FHOD3: variants seen among roughly 807,000 people sequenced by gnomAD.
FHOD3 encodes the protein formin homology 2 domain containing 3, also known as FH1/FH2 domain-containing protein 3.
In FHOD3, 90 loss-of-function variants were observed where a neutral mutation model predicts 173.0. That is an observed-to-expected ratio of 0.52 (90% CI 0.44 to 0.62). The LOEUF (loss-of-function observed/expected upper bound fraction) is 0.62. Ranked by LOEUF, FHOD3 falls within the 20% of genes least tolerant of loss-of-function variation. FHOD3 has a pLI of 0.00. For synonymous variants in FHOD3, 828 were observed against 823.0 expected (o/e 1.01, Z -0.10); for missense variants, 1,945 against 2,034.7 (o/e 0.96, Z 0.85).
At chr18:36,330,221 C>T (rs185843941) in intron 1 of FHOD3, among the ~76,000 whole-genome samples, 2 of 152,274 alleles carry the variant, frequency 1.3e-5, no homozygotes, top group East Asian at 1.9e-4. Flanking sequence ...GCAGTGACCC[C>T]TAACATTACG....
At chr18:36,625,432 T>C in intron 9 of FHOD3, 79 bp from the exon 10 acceptor site, 3 of 1,241,384 alleles carry the variant, frequency 2.4e-6, no homozygotes, top group Non-Finnish European at 3.2e-6. Flanking sequence ...ATTAGGGCAA[T>C]CCTGAAATGC....
At chr18:36,385,887 A>G (rs1227265232) in intron 3 of FHOD3, among the ~76,000 whole-genome samples, 3 of 152,216 alleles carry the variant, frequency 2.0e-5, no homozygotes, top group Admixed American at 6.5e-5. Flanking sequence ...GGCTGTTGGC[A>G]TGGAGGAGGA....
chr18:36,317,231 A>G (rs1427006292), intron 1 of FHOD3, among the ~76,000 whole-genome samples: 1 of 152,214 alleles, frequency 6.6e-6, no homozygotes, highest in Non-Finnish European at 1.5e-5. Context: ...TCCTTTGGGT[A>G]TATACCCAGT....
chr18:36,340,831 G>GTC (rs1423431856), intron 1 of FHOD3, among the ~76,000 whole-genome samples: 3 of 151,732 alleles, frequency 2.0e-5, no homozygotes, highest in African/African-American at 7.3e-5. Context: ...TAGAGACAGG[G>GTC]TTTCACCGTG....
chr18:36,655,389 C>T (rs919320758), intron 13 of FHOD3, among the ~76,000 whole-genome samples: 3 of 152,040 alleles, frequency 2.0e-5, no homozygotes, highest in Admixed American at 6.5e-5. Context: ...CCAGACCCTT[C>T]CCGTTTGGTC....
At chr18:36,375,420 G>A (rs978807507) in intron 3 of FHOD3, among the ~76,000 whole-genome samples, 5 of 152,144 alleles carry the variant, frequency 3.3e-5, no homozygotes, top group African/African-American at 4.8e-5. Flanking sequence ...TTCCACCCAC[G>A]ATTGGACTGG....
chr18:36,312,086 A>G (rs1016066098), intron 1 of FHOD3, among the ~76,000 whole-genome samples: 1 of 152,132 alleles, frequency 6.6e-6, no homozygotes, highest in African/African-American at 2.4e-5. Flanking sequence ...TCACTACTGC[A>G]ATAAAACTAC....
chr18:36,369,498 C>CACATATAT (rs1555682884), intron 2 of FHOD3, among the ~76,000 whole-genome samples: 104 of 95,958 alleles, frequency 1.1e-3, no homozygotes, highest in Admixed American at 2.4e-3. Context: ...CACACACACA[C>CACATATAT]ATATATATAG....
chr18:36,692,906 T>C (rs1659097389), intron 16 of FHOD3: 1 of 380,554 alleles, frequency 2.6e-6, no homozygotes, highest in Non-Finnish European at 4.8e-6. Context: ...ATTGCTGTTT[T>C]GCTTATTTAC....
intron 20 of FHOD3, among the ~76,000 whole-genome samples, chr18:36,734,464 A>C (rs2041532461): frequency 6.6e-6 from 1 of 152,098 alleles, no homozygotes. Flanking sequence ...CCCCTGATCT[A>C]AAGGCTGCCT....
chr18:36,663,170 C>A (rs1039937815), intron 14 of FHOD3, among the ~76,000 whole-genome samples: 1 of 152,062 alleles, frequency 6.6e-6, no homozygotes, highest in Non-Finnish European at 1.5e-5. Flanking sequence ...TACATTTTGT[C>A]ACATTTAAAT....
chr18:36,633,884 T>G (rs1389719540), intron 10 of FHOD3, among the ~76,000 whole-genome samples: 1 of 152,196 alleles, frequency 6.6e-6, no homozygotes, highest in African/African-American at 2.4e-5. Flanking sequence ...GTTTTTCTCA[T>G]AAATGGGCAC....
At chr18:36,721,523 G>A (rs1430954195) in intron 19 of FHOD3, among the ~76,000 whole-genome samples, 1 of 152,084 alleles carries the variant, frequency 6.6e-6, no homozygotes, top group Non-Finnish European at 1.5e-5. Flanking sequence ...GTACATTCCT[G>A]TAGTCCCAGC....
At chr18:36,311,417 G>T (rs1018603192) in intron 1 of FHOD3, among the ~76,000 whole-genome samples, 1 of 152,140 alleles carries the variant, frequency 6.6e-6, no homozygotes, top group Non-Finnish European at 1.5e-5. Context: ...ATGACACCAA[G>T]GGCTGGCAAA....
At chr18:36,632,468 G>T (rs2034584515) in intron 10 of FHOD3, among the ~76,000 whole-genome samples, 1 of 152,134 alleles carries the variant, frequency 6.6e-6, no homozygotes, top group African/African-American at 2.4e-5. Context: ...ATTCAAAGTA[G>T]AATATAAGTA....
intron 9 of FHOD3, among the ~76,000 whole-genome samples, chr18:36,615,104 C>A (rs1418848670): frequency 6.6e-6 from 1 of 152,102 alleles, no homozygotes; most frequent in Non-Finnish European, 1.5e-5. Flanking sequence ...CCTGCCTTGG[C>A]CTCCCAAAGT....
intron 2 of FHOD3, among the ~76,000 whole-genome samples, chr18:36,367,121 T>TA (rs2145973792): frequency 6.6e-6 from 1 of 152,348 alleles, no homozygotes; most frequent in South Asian, 2.1e-4. Flanking sequence ...CTTAGTTGGT[T>TA]AAACCAGACT....
chr18:36,493,213 C>CTTTT (rs60189688), intron 3 of FHOD3, among the ~76,000 whole-genome samples: 7 of 138,148 alleles, frequency 5.1e-5, no homozygotes, highest in African/African-American at 1.3e-4. Flanking sequence ...TTTTCTTTTT[C>CTTTT]TTTTTTTTTT....
intron 5 of FHOD3, among the ~76,000 whole-genome samples, chr18:36,518,291 C>T (rs368240752): frequency 6.6e-6 from 1 of 152,192 alleles, no homozygotes; most frequent in East Asian, 1.9e-4. Context: ...TGACACTGGT[C>T]CTGTGTCCCA....
Sources: gnomAD v4.1 joint callset for allele counts (sites outside exome capture counted in the v4.1 genomes callset) on GRCh38, gnomAD v4.1.1 for gene constraint, MANE v1.5 for transcripts, NCBI Gene and HGNC (gene_info 2026-07-23, HGNC 2026-07-21) for gene names.